CADPS2: variants seen among roughly 807,000 people sequenced by gnomAD.
The protein encoded by CADPS2 is calcium dependent secretion activator 2, also known as calcium-dependent secretion activator 2.
Under a neutral mutation model 172.5 loss-of-function variants are expected in CADPS2, and 93 were observed. The ratio of observed to expected loss-of-function variants is 0.54; its 90% CI spans 0.46 to 0.64. The LOEUF (loss-of-function observed/expected upper bound fraction) is 0.64. CADPS2 is among the 30% of genes least tolerant of loss of function. CADPS2 has a pLI of 0.00. For synonymous variants in CADPS2, 546 were observed against 555.2 expected (o/e 0.98, Z 0.23); for missense variants, 1,420 against 1,565.9 (o/e 0.91, Z 1.57).
At position 122,886,064 on chromosome 7, in the gene CADPS2, C is replaced by G; in HGVS notation, c.274G>C (p.Val92Leu). The change falls in exon 1 of 30, where the codon GTG becomes CTG. Residue 92 changes from valine (V) to leucine (L), a missense_variant. By Grantham distance (32) the Val-to-Leu change is conservative (BLOSUM62 1). Coordinates refer to ENST00000449022, the MANE Select transcript of CADPS2 (RefSeq NM_017954.11). Reference protein sequence around the residue: ...RIRLQLYVFVVRCIAYPFNAK... With the variant: ...RIRLQLYVFVLRCIAYPFNAK... ...TTGAAGGGGTACGCGATGCACCTCA[C>G]GACGAAGACGTAGAGCTGCAGGCGG... The G allele has an allele frequency of 1.2e-6, 2 of 1,604,080 alleles. No individual in the cohort carries two copies. The highest frequency in any genetic ancestry group is 1.7e-6 in the Non-Finnish European group (2 of 1,175,746).
chr7:122,381,475 A>AT (rs1373699683), intron 24 of CADPS2, among the ~76,000 whole-genome samples: 1 of 152,080 alleles, frequency 6.6e-6, no homozygotes, highest in Non-Finnish European at 1.5e-5. Context: ...CATAACTTCC[A>AT]TTTTTTGAAT....
At chr7:122,654,641 C>A (rs1473844442) in intron 3 of CADPS2, among the ~76,000 whole-genome samples, 2 of 152,296 alleles carry the variant, frequency 1.3e-5, no homozygotes, top group East Asian at 3.9e-4. Context: ...TGCTCATTGA[C>A]AATGCACTTA....
chr7:122,615,977 T>C (rs2074864777), intron 5 of CADPS2, among the ~76,000 whole-genome samples: 1 of 152,072 alleles, frequency 6.6e-6, no homozygotes, highest in South Asian at 2.1e-4. Context: ...TGATATTGCC[T>C]TATGTACTTG....
At chr7:122,570,926 T>G (rs2067168167) in intron 7 of CADPS2, among the ~76,000 whole-genome samples, 1 of 152,056 alleles carries the variant, frequency 6.6e-6, no homozygotes, top group African/African-American at 2.4e-5. Context: ...GAGATATACC[T>G]AATGCTAAGT....
intron 1 of CADPS2, among the ~76,000 whole-genome samples, chr7:122,874,676 A>C (rs866686159): frequency 6.6e-6 from 1 of 152,216 alleles, no homozygotes; most frequent in Non-Finnish European, 1.5e-5. Context: ...ACTGGTACTG[A>C]AACAGATATA....
chr7:122,368,151 T>C (rs1554468715), intron 25 of CADPS2: 1 of 152,334 alleles, frequency 6.6e-6, no homozygotes, highest in Non-Finnish European at 1.5e-5. Context: ...CGTACTGGGA[T>C]TACAAGTGTG....
In CADPS2 at chr7:122,470,791, C is replaced by T. The variant is rs377220056; in HGVS notation, c.2186+584G>A. 1.2e-4 allele frequency among the ~76,000 whole-genome samples: 18 copies of T among 152,034 alleles called. 1 individual carries two copies. The highest frequency in any genetic ancestry group is 3.9e-4 in the Admixed American group (6 of 15,248). ...GATTACAGGTGTAAGCCACCACACGCGGCATGATATGGACAGATTTTTAAG... is the reference window on the plus strand; with the variant it reads ...GATTACAGGTGTAAGCCACCACACGTGGCATGATATGGACAGATTTTTAAG... On this transcript the variant is annotated intron_variant, in intron 14 of 29. Coordinates refer to ENST00000449022, the MANE Select transcript of CADPS2 (RefSeq NM_017954.11).
chr7:122,474,000 C>T (rs1291969050), intron 13 of CADPS2, among the ~76,000 whole-genome samples: 1 of 152,200 alleles, frequency 6.6e-6, no homozygotes, highest in Non-Finnish European at 1.5e-5. Flanking sequence ...GAGGTGTCAA[C>T]ATCTGGGGAA....
At chr7:122,634,114 T>C (rs1179152835) in intron 3 of CADPS2, among the ~76,000 whole-genome samples, 1 of 152,278 alleles carries the variant, frequency 6.6e-6, no homozygotes, top group African/African-American at 2.4e-5. Context: ...TGTGACTATA[T>C]TCATTAGGGA....
chr7:122,805,981 T>A (rs182422283), intron 1 of CADPS2, among the ~76,000 whole-genome samples: 1 of 152,200 alleles, frequency 6.6e-6, no homozygotes, highest in Non-Finnish European at 1.5e-5. Context: ...GTAGGAGGTA[T>A]GGATTTTTAT....
chr7:122,670,605 C>T (rs2135540984), intron 2 of CADPS2, among the ~76,000 whole-genome samples: 1 of 152,082 alleles, frequency 6.6e-6, no homozygotes, highest in Admixed American at 6.5e-5. Flanking sequence ...TGAAGCAATT[C>T]TCTCACCTCA....
chr7:122,705,974 AAT>A (rs1491374460), intron 2 of CADPS2, among the ~76,000 whole-genome samples: 1 of 73,260 alleles, frequency 1.4e-5, no homozygotes, highest in Non-Finnish European at 2.3e-5. Flanking sequence ...AATATAATAT[AAT>A]ATATAATATT....
intron 7 of CADPS2, among the ~76,000 whole-genome samples, chr7:122,555,206 C>A (rs2064880222): frequency 6.6e-6 from 1 of 152,006 alleles, no homozygotes; most frequent in South Asian, 2.1e-4. Flanking sequence ...TAGATCAATA[C>A]CAAAGAAGGA....
chr7:122,386,703 T>C (rs1252987345), intron 24 of CADPS2, among the ~76,000 whole-genome samples: 1 of 152,114 alleles, frequency 6.6e-6, no homozygotes, highest in East Asian at 1.9e-4. Flanking sequence ...TCTAGATTTG[T>C]ATAAACAAAA....
At chr7:122,327,812 G>A (rs1047924783) in intron 28 of CADPS2, among the ~76,000 whole-genome samples, 3 of 151,714 alleles carry the variant, frequency 2.0e-5, no homozygotes, top group Non-Finnish European at 4.4e-5. Flanking sequence ...AAAGTTAACT[G>A]CAAAAACAGA....
Position 122,758,470 on chromosome 7 carries a change from C to A in CADPS2, c.340-21402G>T, listed in dbSNP as rs558851984. Among the ~76,000 whole-genome samples, 70 of 152,210 alleles carry A rather than the reference C, an allele frequency of 4.6e-4. 1 individual carries two copies. The highest frequency in any genetic ancestry group is 1.5e-3 in the African/African-American group (64 of 41,544). ...GCAATCTCACATCTTATTTTAAAGGCCTCTTATATTTGATGTAAAGCACCA... is the reference window on the plus strand; with the variant it reads ...GCAATCTCACATCTTATTTTAAAGGACTCTTATATTTGATGTAAAGCACCA... On this transcript the variant is annotated intron_variant, in intron 1 of 29. Coordinates refer to ENST00000449022, the MANE Select transcript of CADPS2 (RefSeq NM_017954.11).
At chr7:122,782,063 C>G (rs965869975) in intron 1 of CADPS2, among the ~76,000 whole-genome samples, 1 of 152,140 alleles carries the variant, frequency 6.6e-6, no homozygotes, top group Non-Finnish European at 1.5e-5. Flanking sequence ...CACTATTTTA[C>G]AGTTGTATCA....
chr7:122,841,307 C>G (rs1323870171), intron 1 of CADPS2, among the ~76,000 whole-genome samples: 1 of 152,074 alleles, frequency 6.6e-6, no homozygotes, highest in East Asian at 1.9e-4. Context: ...CATTAAAACC[C>G]TAGTGTATTA....
chr7:122,771,460 A>G (rs945416566), intron 1 of CADPS2, among the ~76,000 whole-genome samples: 3 of 152,224 alleles, frequency 2.0e-5, no homozygotes, highest in African/African-American at 7.2e-5. Flanking sequence ...ACAAATATCT[A>G]CTGAGTCTCT....
Sources: gnomAD v4.1 joint callset for allele counts (sites outside exome capture counted in the v4.1 genomes callset) on GRCh38, gnomAD v4.1.1 for gene constraint, MANE v1.5 for transcripts, NCBI Gene and HGNC (gene_info 2026-07-23, HGNC 2026-07-21) for gene names.